The following NRG3 variants were observed in gnomAD, a reference collection of about 807,000 sequenced individuals.
NRG3 encodes the protein neuregulin 3.
A neutral mutation model predicts 66.9 loss-of-function variants in NRG3; 31 were observed. The ratio of observed to expected loss-of-function variants is 0.46; its 90% CI spans 0.35 to 0.63. The LOEUF (loss-of-function observed/expected upper bound fraction) is 0.63. Among genes scored for constraint, NRG3 ranks in the 20% least tolerant of loss-of-function variants. The pLI, the probability that NRG3 is intolerant of heterozygous loss-of-function variation, is 0.00. For missense variants in NRG3, 910 were observed against 878.9 expected, an observed-to-expected ratio of 1.04 and a Z score of -0.45; for synonymous variants, 393 against 359.4, an observed-to-expected ratio of 1.09 and a Z score of -1.06.
At chr10:82,609,562 T>C (rs1452599775) in intron 2 of NRG3, among the ~76,000 whole-genome samples, 1 of 150,780 alleles carries the variant, frequency 6.6e-6, no homozygotes, top group Admixed American at 6.6e-5. Context: ...ATTAACAAGT[T>C]ATATTGTGCC....
intron 1 of NRG3, among the ~76,000 whole-genome samples, chr10:82,321,520 G>A (rs2081578413): frequency 6.6e-6 from 1 of 152,112 alleles, no homozygotes; most frequent in African/African-American, 2.4e-5. Flanking sequence ...TCCAGAAATG[G>A]GATGTCCTGC....
intron 1 of NRG3, among the ~76,000 whole-genome samples, chr10:82,318,388 A>G (rs2081400540): frequency 6.6e-6 from 1 of 152,184 alleles, no homozygotes; most frequent in African/African-American, 2.4e-5. Context: ...GTATGTATGT[A>G]AACACCATAC....
chr10:82,883,155 G>C (rs1278266488), intron 4 of NRG3, among the ~76,000 whole-genome samples: 2 of 152,052 alleles, frequency 1.3e-5, no homozygotes, highest in Non-Finnish European at 2.9e-5. Flanking sequence ...TATATAAGAA[G>C]GCATGCCTTT....
At chr10:82,788,377 C>T (rs2135348982) in intron 3 of NRG3, among the ~76,000 whole-genome samples, 1 of 152,232 alleles carries the variant, frequency 6.6e-6, no homozygotes, top group African/African-American at 2.4e-5. Flanking sequence ...CGAGACTAGC[C>T]TCACCAACAT....
chr10:82,152,061 A>C (rs2070789474), intron 1 of NRG3, among the ~76,000 whole-genome samples: 1 of 152,184 alleles, frequency 6.6e-6, no homozygotes, highest in African/African-American at 2.4e-5. Flanking sequence ...TTTCTGTAAA[A>C]GGCAAGAAAC....
At chr10:82,885,910 T>G (rs186368652) in intron 4 of NRG3, among the ~76,000 whole-genome samples, 1 of 152,086 alleles carries the variant, frequency 6.6e-6, no homozygotes, top group East Asian at 2.0e-4. Flanking sequence ...CTCACTCTAT[T>G]GCCCAGGCTG....
At chr10:82,418,579 A>C (rs2088804581) in intron 2 of NRG3, among the ~76,000 whole-genome samples, 1 of 152,010 alleles carries the variant, frequency 6.6e-6, no homozygotes, top group Admixed American at 6.6e-5. Flanking sequence ...TGTTGGGGAA[A>C]AACCCTCCAG....
chr10:82,669,398 G>A (rs1011631583), intron 2 of NRG3, among the ~76,000 whole-genome samples: 8 of 151,966 alleles, frequency 5.3e-5, no homozygotes, highest in Non-Finnish European at 1.0e-4. Context: ...TCTTGGGTTG[G>A]ACACAGAATA....
In NRG3 at chr10:82,340,996, G is replaced by GT. The variant is rs1342051649; in HGVS notation, c.824-17740dup. The GT allele has an allele frequency of 2.0e-5, 3 of 152,112 alleles. No homozygotes were observed. In the South Asian group the frequency reaches 6.2e-4, roughly 32 times the overall value. 9.4% of individuals were successfully genotyped at this position (152,112 alleles called of 1,614,324 possible). A position where few individuals can be genotyped will look rare whatever the true frequency, so the allele number is the denominator to read the frequency against. ...AAATAACTAAGAGTGTAATAGGATTGTTTGTAACACAAAGTATAAATGCTT... is the reference window on the plus strand; with the variant it reads ...AAATAACTAAGAGTGTAATAGGATTGTTTTGTAACACAAAGTATAAATGCTT... On this transcript the variant is annotated intron_variant, in intron 1 of 8. Transcript: ENST00000372141.
At chr10:82,614,053 C>G (rs1234585526) in intron 2 of NRG3, among the ~76,000 whole-genome samples, 3 of 152,038 alleles carry the variant, frequency 2.0e-5, no homozygotes, top group Non-Finnish European at 4.4e-5. Context: ...GTGCCCAACA[C>G]CATGCCTGGC....
At chr10:82,813,092 C>T (rs946591308) in intron 3 of NRG3, among the ~76,000 whole-genome samples, 2 of 151,990 alleles carry the variant, frequency 1.3e-5, no homozygotes, top group Non-Finnish European at 2.9e-5. Flanking sequence ...TCATATCACT[C>T]ATGGCAGACC....
At chr10:82,402,117 A>G (rs2087146317) in intron 2 of NRG3, among the ~76,000 whole-genome samples, 1 of 152,114 alleles carries the variant, frequency 6.6e-6, no homozygotes, top group African/African-American at 2.4e-5. Context: ...AGCATTTGAA[A>G]TCTTCTGATT....
chr10:82,658,888 TA>T (rs2052088970), intron 2 of NRG3, among the ~76,000 whole-genome samples: 1 of 152,200 alleles, frequency 6.6e-6, no homozygotes, highest in South Asian at 2.1e-4. Flanking sequence ...ACATGGGAAG[TA>T]TATGTTAGCT....
chr10:81,948,235 A>G (rs1849023036), intron 1 of NRG3, among the ~76,000 whole-genome samples: 1 of 152,156 alleles, frequency 6.6e-6, no homozygotes, highest in Non-Finnish European at 1.5e-5. Flanking sequence ...AACAACATTG[A>G]GGGAAAAGCG....
At chr10:82,102,145 T>TATGTGTGTATTC (rs2066795053) in intron 1 of NRG3, among the ~76,000 whole-genome samples, 1 of 84,952 alleles carries the variant, frequency 1.2e-5, no homozygotes, top group Admixed American at 1.1e-4. Flanking sequence ...TATATATATA[T>TATGTGTGTATTC]ATATATATAT....
chr10:81,987,001 T>C (rs575562792), intron 1 of NRG3, among the ~76,000 whole-genome samples: 47 of 152,244 alleles, frequency 3.1e-4, no homozygotes, highest in Non-Finnish European at 5.3e-4. Context: ...AGTTACAGCA[T>C]CATTGTGTGT....
intron 1 of NRG3, chr10:81,877,893 A>G: frequency 1.3e-6 from 2 of 1,534,460 alleles, no homozygotes; most frequent in Non-Finnish European, 1.7e-6. Context: ...TATTCAATGG[A>G]TTGAAAATGA....
intron 2 of NRG3, among the ~76,000 whole-genome samples, chr10:82,683,460 CAT>C (rs377441517): frequency 1.3e-5 from 2 of 152,064 alleles, no homozygotes; most frequent in Non-Finnish European, 1.5e-5. Flanking sequence ...ACCTAACAAA[CAT>C]ATAATATTCA....
At position 82,929,853 on chromosome 10, in the gene NRG3, G is replaced by C. The variant is rs931150382; in HGVS notation, c.1055-21616G>C. The stretch of plus-strand genomic sequence containing the variant: ...ATTGTGCCACTGCACTCCAGCCTGG[G>C]AGACAGACCGAGACTCCATCTCAAA... On this transcript the variant is annotated intron_variant, in intron 4 of 8. Coordinates refer to ENST00000372141, the MANE Select transcript of NRG3 (RefSeq NM_001010848.4). Among the ~76,000 whole-genome samples, 4 of 146,476 alleles carry C rather than the reference G, an allele frequency of 2.7e-5. No homozygotes were observed. In the Admixed American group the frequency reaches 2.8e-4, roughly 10 times the overall value.
Sources: allele counts gnomAD v4.1 joint callset (sites outside exome capture counted in the v4.1 genomes callset), GRCh38; gene constraint gnomAD v4.1.1; transcripts MANE v1.5; gene names NCBI Gene and HGNC (gene_info 2026-07-23, HGNC 2026-07-21).